Variants in PRMT3 observed in about 807,000 individuals in gnomAD.
The protein encoded by PRMT3 is protein arginine methyltransferase 3.
PRMT3 carries 62 observed loss-of-function variants against 71.9 expected under a neutral mutation model. The ratio of observed to expected loss-of-function variants is 0.86; its 90% CI spans 0.70 to 1.07. The LOEUF (loss-of-function observed/expected upper bound fraction) is 1.07. PRMT3 is among the 50% of genes least tolerant of loss of function. The pLI is 0.00. For synonymous variants in PRMT3, 213 were observed against 220.4 expected (o/e 0.97, Z 0.30); for missense variants, 663 against 643.0 (o/e 1.03, Z -0.34).
chr11:20,508,316 A>T lies in PRMT3; in HGVS notation c.1499A>T (p.Lys500Ile). 6.2e-7 allele frequency: 1 copy of T among 1,606,750 alleles called. No homozygotes were observed. The highest frequency in any genetic ancestry group is 1.3e-5 in the African/African-American group (1 of 74,708). The change falls in exon 16 of 16, where the codon AAA (lysine) becomes ATA (isoleucine). Residue 500 changes from lysine (K) to isoleucine (I), a missense_variant. By Grantham distance (102) the Lys-to-Ile change is moderately radical (BLOSUM62 -3). Transcript: ENST00000331079. Reference sequence around the variant, plus strand: ...CTTTGTTTTACAGGTGAAGCCTTGAAAGGAAAGGTCACAGTTCACAAGAAT... The same window carrying T: ...CTTTGTTTTACAGGTGAAGCCTTGATAGGAAAGGTCACAGTTCACAAGAAT... ...PFSVKAGEAL[K>I]GKVTVHKNKK...
At chr11:20,401,923 T>C (rs926114130) in intron 7 of PRMT3, among the ~76,000 whole-genome samples, 12 of 152,206 alleles carry the variant, frequency 7.9e-5, no homozygotes, top group African/African-American at 2.7e-4. Flanking sequence ...CATCATTTCC[T>C]ACTACAGAAA....
At chr11:20,479,954 A>C (rs964664175) in intron 13 of PRMT3, among the ~76,000 whole-genome samples, 1 of 152,236 alleles carries the variant, frequency 6.6e-6, no homozygotes, top group African/African-American at 2.4e-5. Context: ...TATTTATGGA[A>C]TAAAATAAAG....
chr11:20,423,138 A>C (rs1476308398), intron 9 of PRMT3, among the ~76,000 whole-genome samples: 1 of 152,150 alleles, frequency 6.6e-6, no homozygotes, highest in Non-Finnish European at 1.5e-5. Context: ...CTCTGATCTT[A>C]TGTATTCTTT....
At chr11:20,501,378 T>TA (rs1310563691) in intron 15 of PRMT3, among the ~76,000 whole-genome samples, 1 of 152,144 alleles carries the variant, frequency 6.6e-6, no homozygotes, top group Non-Finnish European at 1.5e-5. Context: ...CTCCATCACC[T>TA]TGGGTAACAC....
intron 13 of PRMT3, among the ~76,000 whole-genome samples, chr11:20,489,752 TG>T (rs1386369655): frequency 6.6e-6 from 1 of 151,650 alleles, no homozygotes; most frequent in Non-Finnish European, 1.5e-5. Flanking sequence ...TATATTACTA[TG>T]TTTCAAATTG....
intron 11 of PRMT3, among the ~76,000 whole-genome samples, chr11:20,460,059 A>G (rs2119995): frequency 0.059 from 9,039 of 152,150 alleles, 835 homozygotes; most frequent in African/African-American, 0.2. Context: ...AGTATCTCAC[A>G]AGTTAGGTTT....
At chr11:20,491,887 A>G (rs1303540010) in intron 13 of PRMT3, among the ~76,000 whole-genome samples, 1 of 152,214 alleles carries the variant, frequency 6.6e-6, no homozygotes, top group African/African-American at 2.4e-5. Flanking sequence ...TTTGTCCCAC[A>G]TGTTCCATGC....
rs571014356 is a variant in PRMT3 at position 20,410,452 on chromosome 11, G to A, written c.893+2420G>A. On this transcript the variant is annotated intron_variant, in intron 9 of 15. Transcript: ENST00000331079. ...TCTGGTATATTGATGAGCTCCCAGC[G>A]GAAACAATTTCTAAAAAAAATTATA... 8.0e-5 allele frequency among the ~76,000 whole-genome samples: 12 copies of A among 150,602 alleles called. 3 individuals are homozygous for A. The highest frequency in any genetic ancestry group is 2.9e-4 in the African/African-American group (12 of 41,094).
Position 20,407,928 on chromosome 11 carries a change from G to A in PRMT3, c.789G>A (p.Gly263=), listed in dbSNP as rs772788055. 1 of 1,611,206 alleles carries A rather than the reference G, an allele frequency of 6.2e-7. No individual in the cohort carries two copies. The part of the protein sequence containing the change: ...IFKDKVVLDV[G]CGTGILSMFA... ...TACCCTAGGTAGTTTTGGATGTTGG[G>A]TGTGGAACTGGAATTCTCTCTATGT... is the stretch of plus-strand genomic sequence containing the variant. The change falls in exon 9 of 16, where the codon GGG becomes GGA. Residue 263 remains glycine, a synonymous_variant. Coordinates refer to ENST00000331079, the MANE Select transcript of PRMT3 (RefSeq NM_005788.4).
chr11:20,440,398 C>T (rs978276401), intron 10 of PRMT3, among the ~76,000 whole-genome samples: 9 of 149,836 alleles, frequency 6.0e-5, no homozygotes, highest in Admixed American at 1.4e-4. Context: ...GTAATCCCAG[C>T]ACTTTGGGAG....
At position 20,388,107 on chromosome 11, in the gene PRMT3, A is replaced by C. The variant is rs766417573; in HGVS notation, c.117A>C (p.Ala39=). 1.2e-6 allele frequency: 2 copies of C among 1,613,918 alleles called. No homozygotes were observed. Among genetic ancestry groups the C allele is most frequent in the Non-Finnish European group, 1.7e-6 (2 of 1,179,986 alleles). Residue 39 remains alanine, a synonymous_variant, in exon 2 of 16, where the codon GCA becomes GCC. Coordinates refer to ENST00000331079, the MANE Select transcript of PRMT3 (RefSeq NM_005788.4). ...DEAAWEDEDD[A]DLPHGKQQTP... is the part of the protein sequence containing the mutation. ...CCGCCTGGGAGGATGAGGACGATGCAGATCTCCCCCACGGCAAGCAGCAGA... is the reference window on the plus strand; with the variant it reads ...CCGCCTGGGAGGATGAGGACGATGCCGATCTCCCCCACGGCAAGCAGCAGA...
At chr11:20,413,566 T>A (rs1179615196) in intron 9 of PRMT3, among the ~76,000 whole-genome samples, 1 of 152,202 alleles carries the variant, frequency 6.6e-6, no homozygotes, top group Non-Finnish European at 1.5e-5. Flanking sequence ...ATGATAATCA[T>A]GTTAATTATT....
At chr11:20,457,310 C>T (rs1242051665) in intron 11 of PRMT3, among the ~76,000 whole-genome samples, 1 of 152,156 alleles carries the variant, frequency 6.6e-6, no homozygotes, top group Non-Finnish European at 1.5e-5. Flanking sequence ...TGGGGTTCCT[C>T]TTTCCGTTTC....
At chr11:20,389,203 A>G (rs1848660422) in intron 2 of PRMT3, among the ~76,000 whole-genome samples, 1 of 152,222 alleles carries the variant, frequency 6.6e-6, no homozygotes, top group African/African-American at 2.4e-5. Flanking sequence ...TGCATGTCAC[A>G]TAATAAAGAG....
At chr11:20,472,650 C>A (rs1391164667) in intron 13 of PRMT3, among the ~76,000 whole-genome samples, 1 of 128,352 alleles carries the variant, frequency 7.8e-6, no homozygotes, top group African/African-American at 2.5e-5. Flanking sequence ...GTTTGTTCAT[C>A]AAGGATACTG....
intron 10 of PRMT3, among the ~76,000 whole-genome samples, chr11:20,441,596 C>T (rs78254718): frequency 0.045 from 6,908 of 151,844 alleles, 267 homozygotes; most frequent in East Asian, 0.2. Context: ...CTTGAGCCAC[C>T]GCGCCCAGCC....
intron 2 of PRMT3, among the ~76,000 whole-genome samples, chr11:20,388,981 T>G (rs1848655322): frequency 6.6e-6 from 1 of 152,204 alleles, no homozygotes; most frequent in Admixed American, 6.5e-5. Context: ...GTAGCCCCAT[T>G]GGGTAGATAG....
At chr11:20,502,384 G>A (rs970031103) in intron 15 of PRMT3, among the ~76,000 whole-genome samples, 18 of 152,160 alleles carry the variant, frequency 1.2e-4, no homozygotes, top group Admixed American at 1.1e-3. Context: ...AAATGATTGT[G>A]TGTGCACCCT....
intron 11 of PRMT3, among the ~76,000 whole-genome samples, chr11:20,459,354 G>A (rs1590079631): frequency 6.6e-6 from 1 of 152,066 alleles, no homozygotes; most frequent in Non-Finnish European, 1.5e-5. Context: ...TAGTGTGAAC[G>A]GCACTCCCTG....
Sources: gnomAD v4.1 joint callset for allele counts (sites outside exome capture counted in the v4.1 genomes callset) on GRCh38, gnomAD v4.1.1 for gene constraint, MANE v1.5 for transcripts, NCBI Gene and HGNC (gene_info 2026-07-23, HGNC 2026-07-21) for gene names.